AK7: variants seen among roughly 807,000 people sequenced by gnomAD.
AK7 encodes ATP-AMP transphosphorylase 7.
A neutral mutation model predicts 96.6 loss-of-function variants in AK7; 78 were observed. The observed-to-expected ratio is 0.81, with a 90% CI of 0.67 to 0.97. The LOEUF (loss-of-function observed/expected upper bound fraction) is 0.97. Ranked by LOEUF, AK7 falls within the 50% of genes least tolerant of loss-of-function variation. The pLI is 0.00. For synonymous variants in AK7, 302 were observed against 317.2 expected (o/e 0.95, Z 0.51); for missense variants, 855 against 887.9 (o/e 0.96, Z 0.47).
At position 96,408,947 on chromosome 14, in the gene AK7, T is replaced by C. The variant is rs1243235001; in HGVS notation, c.498+6T>C. On this transcript the variant is annotated splice_donor_region_variant and intron_variant, in intron 4 of 17. Transcript: ENST00000267584. ...GCTCCAAAGCCCTGGACCCCGTAAG[T>C]AGAGCGTTAGCTTTCCTTTAGGTAA... 1 of 1,613,544 alleles carries C rather than the reference T, an allele frequency of 6.2e-7. No individual in the cohort carries two copies. Among genetic ancestry groups the C allele is most frequent in the Non-Finnish European group, 8.5e-7 (1 of 1,179,454 alleles).
At chr14:96,451,166 A>G (rs1893580307) in intron 9 of AK7, among the ~76,000 whole-genome samples, 1 of 152,214 alleles carries the variant, frequency 6.6e-6, no homozygotes, top group African/African-American at 2.4e-5. Context: ...TTTTTAAAAA[A>G]GAAAATTTGG....
Position 96,398,155 on chromosome 14 carries a change from T to C in AK7, c.186T>C (p.Ala62=). ...EEEEEDENKS[A]MLEASSTKVK... ...AAGAGGAAGATGAAAATAAGTCAGC[T>C]ATGCTGGAAGCTTCCTCAACCAAAG... Residue 62 remains alanine, a synonymous_variant, in exon 2 of 18, where the codon GCT becomes GCC. Coordinates refer to ENST00000267584, the MANE Select transcript of AK7 (RefSeq NM_152327.5). 4.3e-6 allele frequency: 7 copies of C among 1,614,206 alleles called. No homozygotes were observed. Among genetic ancestry groups the C allele is most frequent in the Non-Finnish European group, 5.9e-6 (7 of 1,180,036 alleles).
chr14:96,477,342 C>T (rs1490133190), intron 14 of AK7, among the ~76,000 whole-genome samples: 1 of 152,186 alleles, frequency 6.6e-6, no homozygotes, highest in African/African-American at 2.4e-5. Context: ...CTCAAGGAAG[C>T]TTATTAGAAT....
chr14:96,394,596 G>T (rs1268063354), intron 1 of AK7, among the ~76,000 whole-genome samples: 1 of 152,204 alleles, frequency 6.6e-6, no homozygotes. Flanking sequence ...GGTCATGGAT[G>T]GCCTTGGCCA....
chr14:96,471,389 CACA>C, intron 12 of AK7, 86 bp from the exon 13 acceptor site: 1 of 549,708 alleles, frequency 1.8e-6, no homozygotes, highest in Non-Finnish European at 2.7e-6. Flanking sequence ...CCTTTGACTA[CACA>C]ACAATTTTTG....
intron 1 of AK7, among the ~76,000 whole-genome samples, chr14:96,396,810 T>C (rs1286309058): frequency 2.0e-5 from 3 of 152,248 alleles, no homozygotes; most frequent in Non-Finnish European, 4.4e-5. Context: ...CTTCGCCAAC[T>C]TCTTTCTATT....
intron 2 of AK7, among the ~76,000 whole-genome samples, chr14:96,401,792 G>T (rs1265657562): frequency 6.6e-6 from 1 of 152,184 alleles, no homozygotes; most frequent in Non-Finnish European, 1.5e-5. Context: ...AGCATTCTGG[G>T]CTCTGCCAGG....
At position 96,489,427 on chromosome 14, in the gene AK7, C is replaced by T. The variant is rs1261849293; in HGVS notation, c.*1084C>T. ...TAAATAAAACCATATAATGGGTGGTCTTTCGTGTCTGGCTTCTTTCACTAA... is the reference window on the plus strand; with the variant it reads ...TAAATAAAACCATATAATGGGTGGTTTTTCGTGTCTGGCTTCTTTCACTAA... On this transcript the variant is annotated 3_prime_UTR_variant, in exon 18 of 18. Coordinates refer to ENST00000267584, the MANE Select transcript of AK7 (RefSeq NM_152327.5). The T allele has an allele frequency of 6.6e-6, 1 of 152,198 alleles. No individual in the cohort carries two copies. The highest frequency in any genetic ancestry group is 1.5e-5 in the Non-Finnish European group (1 of 68,026). The allele number at this position is 152,198 out of a possible 1,614,324, so 9.4% of individuals were successfully genotyped here.
chr14:96,482,945 T>C, intron 15 of AK7, 54 bp from the exon 16 acceptor site: 1 of 1,561,726 alleles, frequency 6.4e-7, no homozygotes, highest in Non-Finnish European at 8.8e-7. Context: ...TTTTCCCAAT[T>C]GCAGGCAGGC....
At chr14:96,427,074 C>T (rs1468419976) in intron 5 of AK7, among the ~76,000 whole-genome samples, 3 of 152,204 alleles carry the variant, frequency 2.0e-5, no homozygotes, top group Admixed American at 6.5e-5. Flanking sequence ...GGAGAAACCC[C>T]GTCTCTACTG....
chr14:96,485,331 ACTC>A (rs1388748585), intron 16 of AK7, among the ~76,000 whole-genome samples: 2 of 152,174 alleles, frequency 1.3e-5, no homozygotes, highest in East Asian at 1.9e-4. Context: ...TGCAAAAAGA[ACTC>A]CTGATAAACT....
intron 10 of AK7, among the ~76,000 whole-genome samples, chr14:96,451,814 A>G (rs577494685): frequency 6.6e-6 from 1 of 152,346 alleles, no homozygotes; most frequent in African/African-American, 2.4e-5. Flanking sequence ...ATCTAATTTA[A>G]TAATTAGATA....
intron 7 of AK7, among the ~76,000 whole-genome samples, chr14:96,443,199 A>G (rs1893051328): frequency 6.6e-6 from 1 of 152,240 alleles, no homozygotes; most frequent in Non-Finnish European, 1.5e-5. Flanking sequence ...ATTCAAATGG[A>G]AAACTGTAAA....
intron 1 of AK7, among the ~76,000 whole-genome samples, chr14:96,395,007 G>GA (rs1435199877): frequency 6.6e-6 from 1 of 152,072 alleles, no homozygotes; most frequent in East Asian, 1.9e-4. Context: ...GAAGACAGTC[G>GA]AAACTCTGCA....
chr14:96,465,479 A>C (rs1894512791), intron 12 of AK7, among the ~76,000 whole-genome samples: 1 of 151,882 alleles, frequency 6.6e-6, no homozygotes, highest in Admixed American at 6.6e-5. Context: ...AAAAAAGGCT[A>C]AAAATACATT....
At chr14:96,467,776 A>C (rs528784184) in intron 12 of AK7, among the ~76,000 whole-genome samples, 170 of 152,232 alleles carry the variant, frequency 1.1e-3, no homozygotes, top group Non-Finnish European at 1.9e-3. Context: ...ATGGAGTTTT[A>C]CCCATTGCCT....
intron 16 of AK7, among the ~76,000 whole-genome samples, chr14:96,485,887 C>T (rs926312808): frequency 1.3e-4 from 20 of 151,922 alleles, no homozygotes; most frequent in Non-Finnish European, 4.4e-5. Context: ...GCTCCGCCTC[C>T]CCGGTTCACG....
chr14:96,415,355 T>G (rs1317969617), intron 4 of AK7, among the ~76,000 whole-genome samples: 2 of 152,148 alleles, frequency 1.3e-5, no homozygotes, highest in Non-Finnish European at 2.9e-5. Context: ...TGGCAAGCAG[T>G]AAGCTGTTCC....
intron 12 of AK7, among the ~76,000 whole-genome samples, chr14:96,469,288 A>G (rs2140150832): frequency 6.6e-6 from 1 of 152,340 alleles, no homozygotes; most frequent in South Asian, 2.1e-4. Flanking sequence ...TGGGAAGCTG[A>G]GGCAGGTGGA....
Sources: gnomAD v4.1 joint callset for allele counts (sites outside exome capture counted in the v4.1 genomes callset) on GRCh38, gnomAD v4.1.1 for gene constraint, MANE v1.5 for transcripts, NCBI Gene and HGNC (gene_info 2026-07-23, HGNC 2026-07-21) for gene names.